Variants in GRIK1 observed in about 807,000 individuals in gnomAD.
GRIK1 encodes glutamate ionotropic receptor kainate type subunit 1.
GRIK1 carries 69 observed loss-of-function variants against 105.7 expected under a neutral mutation model. The ratio of observed to expected loss-of-function variants is 0.65; its 90% CI spans 0.54 to 0.80. The LOEUF is 0.80. Among genes scored for constraint, GRIK1 ranks in the 30% least tolerant of loss-of-function variants. The pLI is 0.00. For synonymous variants in GRIK1, 438 were observed against 431.3 expected (o/e 1.02, Z -0.19); for missense variants, 1,109 against 1,167.3 (o/e 0.95, Z 0.73).
chr21:29,877,106 T>A (rs1476274534), intron 1 of GRIK1, among the ~76,000 whole-genome samples: 2 of 152,216 alleles, frequency 1.3e-5, no homozygotes, highest in Non-Finnish European at 2.9e-5. Flanking sequence ...TATCTCCATA[T>A]GCCATGACAA....
At chr21:29,624,908 T>G (rs530727739) in intron 7 of GRIK1, among the ~76,000 whole-genome samples, 1 of 152,318 alleles carries the variant, frequency 6.6e-6, no homozygotes, top group South Asian at 2.1e-4. Flanking sequence ...TCTCCTGCTG[T>G]TCTGGAAATT....
chr21:29,563,227 T>C (rs1342844423), intron 14 of GRIK1, among the ~76,000 whole-genome samples: 1 of 152,178 alleles, frequency 6.6e-6, no homozygotes, highest in Admixed American at 6.5e-5. Flanking sequence ...AAGCAAAAAA[T>C]GGAATACCTG....
At chr21:29,689,180 A>G (rs1478404972) in intron 3 of GRIK1, among the ~76,000 whole-genome samples, 1 of 152,168 alleles carries the variant, frequency 6.6e-6, no homozygotes, top group East Asian at 1.9e-4. Flanking sequence ...CTGGACTCCA[A>G]GCAGGCATAT....
intron 1 of GRIK1, among the ~76,000 whole-genome samples, chr21:29,828,483 T>C (rs961176484): frequency 5.9e-5 from 9 of 151,994 alleles, no homozygotes; most frequent in African/African-American, 1.9e-4. Context: ...CTTTATATTA[T>C]GTATTTTCCT....
intron 7 of GRIK1, among the ~76,000 whole-genome samples, chr21:29,599,186 A>C (rs1309344510): frequency 6.6e-6 from 1 of 152,216 alleles, no homozygotes; most frequent in Non-Finnish European, 1.5e-5. Context: ...CTAAATGGAC[A>C]GTATGGAAAG....
At chr21:29,576,482 A>G (rs754155572) in intron 14 of GRIK1, among the ~76,000 whole-genome samples, 1 of 152,124 alleles carries the variant, frequency 6.6e-6, no homozygotes, top group Non-Finnish European at 1.5e-5. Flanking sequence ...TAATTCTCTA[A>G]CTAAATTCCA....
At chr21:29,795,486 G>A (rs1206257598) in intron 1 of GRIK1, among the ~76,000 whole-genome samples, 2 of 151,948 alleles carry the variant, frequency 1.3e-5, no homozygotes, top group African/African-American at 4.8e-5. Context: ...AGCCTCTCTG[G>A]GTAACCTGTG....
chr21:29,712,560 A>G (rs1284905383), intron 1 of GRIK1, among the ~76,000 whole-genome samples: 2 of 152,144 alleles, frequency 1.3e-5, no homozygotes, highest in Non-Finnish European at 2.9e-5. Context: ...AAAAAAATCA[A>G]CTTCTGAGGA....
chr21:29,808,535 A>G (rs2066923868), intron 1 of GRIK1, among the ~76,000 whole-genome samples: 2 of 152,152 alleles, frequency 1.3e-5, no homozygotes, highest in Admixed American at 1.3e-4. Context: ...CAAAGAAAGG[A>G]CCTGTTAACA....
intron 6 of GRIK1, among the ~76,000 whole-genome samples, chr21:29,646,990 C>T (rs563455617): frequency 1.4e-4 from 21 of 152,100 alleles, no homozygotes; most frequent in African/African-American, 4.3e-4. Flanking sequence ...GGATTACAGG[C>T]GCCTGCCACC....
chr21:29,817,911 T>G lies in GRIK1; in HGVS notation c.118+121472A>C, dbSNP rs191346838. On this transcript the variant is annotated intron_variant, in intron 1 of 17. Coordinates refer to ENST00000327783, the MANE Select transcript of GRIK1 (RefSeq NM_001330994.2). ...TATTTAGTTGGCTACGCATTAAACA[T>G]ACTCCCTCATTTTGTCCTCTCCCTA... is the stretch of plus-strand genomic sequence containing the variant. 1.4e-3 allele frequency among the ~76,000 whole-genome samples: 207 copies of G among 152,252 alleles called. 1 individual carries two copies. Among genetic ancestry groups the G allele is most frequent in the African/African-American group, 4.7e-3 (196 of 41,570 alleles).
chr21:29,601,362 A>C, intron 7 of GRIK1: 1 of 353,848 alleles, frequency 2.8e-6, no homozygotes, highest in South Asian at 2.3e-5. Context: ...CAGATGGTAG[A>C]ATGTGGGACT....
At chr21:29,879,030 G>T (rs1222666126) in intron 1 of GRIK1, among the ~76,000 whole-genome samples, 2 of 152,108 alleles carry the variant, frequency 1.3e-5, no homozygotes, top group African/African-American at 2.4e-5. Context: ...AACTAAGACA[G>T]CCACTCAATG....
At chr21:29,649,692 C>G (rs2062692025) in intron 6 of GRIK1, among the ~76,000 whole-genome samples, 1 of 152,194 alleles carries the variant, frequency 6.6e-6, no homozygotes, top group African/African-American at 2.4e-5. Context: ...TATAATTGAA[C>G]ACACAGACTT....
At chr21:29,668,840 C>G (rs1183728144) in intron 4 of GRIK1, among the ~76,000 whole-genome samples, 1 of 152,040 alleles carries the variant, frequency 6.6e-6, no homozygotes, top group African/African-American at 2.4e-5. Context: ...AGCGAAGAGT[C>G]GGCGAAAGAG....
chr21:29,873,067 T>C (rs2069074499), intron 1 of GRIK1, among the ~76,000 whole-genome samples: 1 of 152,130 alleles, frequency 6.6e-6, no homozygotes, highest in Non-Finnish European at 1.5e-5. Context: ...TTACATAAAT[T>C]GAAAGTCATT....
chr21:29,788,182 A>G (rs1485723959), intron 1 of GRIK1, among the ~76,000 whole-genome samples: 1 of 152,220 alleles, frequency 6.6e-6, no homozygotes, highest in African/African-American at 2.4e-5. Context: ...CCAAATCTAT[A>G]CAACATGTCA....
At chr21:29,823,856 A>G (rs946919117) in intron 1 of GRIK1, among the ~76,000 whole-genome samples, 8 of 151,954 alleles carry the variant, frequency 5.3e-5, no homozygotes, top group African/African-American at 1.2e-4. Context: ...AGCAGAATAC[A>G]TTTCTTCTTG....
At chr21:29,689,658 C>T in intron 3 of GRIK1, 70 bp downstream of exon 3, 1 of 1,373,776 alleles carries the variant, frequency 7.3e-7, no homozygotes, top group South Asian at 1.2e-5. Context: ...AGTTTAATGA[C>T]TATTTGATAC....
Sources: gnomAD v4.1 joint callset for allele counts (sites outside exome capture counted in the v4.1 genomes callset) on GRCh38, gnomAD v4.1.1 for gene constraint, MANE v1.5 for transcripts, NCBI Gene and HGNC (gene_info 2026-07-23, HGNC 2026-07-21) for gene names.